The following ESYT2 variants were observed in gnomAD, a reference collection of about 807,000 sequenced individuals.
ESYT2 encodes extended synaptotagmin 2.
In ESYT2, 54 loss-of-function variants were observed where a neutral mutation model predicts 107.2. The observed-to-expected ratio is 0.50, with a 90% CI of 0.40 to 0.63. The LOEUF (loss-of-function observed/expected upper bound fraction) is 0.63. Ranked by LOEUF, ESYT2 falls within the 30% of genes least tolerant of loss-of-function variation. The pLI, the probability that ESYT2 is intolerant of heterozygous loss-of-function variation, is 0.00. For missense variants in ESYT2, 1,020 were observed against 1,094.5 expected, an observed-to-expected ratio of 0.93 and a Z score of 0.96; for synonymous variants, 491 against 434.1, an observed-to-expected ratio of 1.13 and a Z score of -1.63.
At position 158,743,570 on chromosome 7, in the gene ESYT2, A is replaced by C; in HGVS notation, c.1753T>G (p.Ser585Ala). 6.2e-7 allele frequency: 1 copy of C among 1,613,102 alleles called. No homozygotes were observed. Among genetic ancestry groups the C allele is most frequent in the Non-Finnish European group, 8.5e-7 (1 of 1,179,692 alleles). ...TVSQRFQLSN[S>A]GPNSTIKMKI... ...ATCTTGATGGTGCTGTTTGGACCCG[A>C]GTTACTGAGCTGGAAGCGCTGGCTC... Residue 585 changes from serine (S) to alanine (A), a missense_variant, in exon 17 of 23, where the codon TCG becomes GCG. Ser to Ala is a moderately conservative substitution (Grantham distance 99). Coordinates refer to ENST00000275418, the MANE Select transcript of ESYT2 (RefSeq NM_001367773.1).
chr7:158,769,840 T>C (rs1838292791), intron 7 of ESYT2, among the ~76,000 whole-genome samples: 1 of 152,228 alleles, frequency 6.6e-6, no homozygotes, highest in Non-Finnish European at 1.5e-5. Context: ...AATCAATTAA[T>C]ATAACATGTG....
In ESYT2 at chr7:158,829,062, T is replaced by C; in HGVS notation, c.330+27A>G. ...GGAGATCGGGACTGGTGGTCAGGGG[T>C]CGGGACGGGCAGGGGTCTGCACTCA... is the stretch of plus-strand genomic sequence containing the variant. On this transcript the variant is annotated intron_variant, in intron 1 of 22. Coordinates refer to ENST00000275418, the MANE Select transcript of ESYT2 (RefSeq NM_001367773.1). 4 of 1,556,198 alleles carry C rather than the reference T, an allele frequency of 2.6e-6. No individual in the cohort carries two copies. In the South Asian group the frequency reaches 3.4e-5, roughly 13 times the overall value.
chr7:158,756,914 TAAAA>T (rs201326042), intron 13 of ESYT2, among the ~76,000 whole-genome samples: 13 of 98,802 alleles, frequency 1.3e-4, no homozygotes, highest in Admixed American at 5.1e-4. Context: ...CATCTCAAAT[TAAAA>T]AAAAAAAAAA....
intron 15 of ESYT2, among the ~76,000 whole-genome samples, chr7:158,748,767 T>C (rs1267188718): frequency 3.3e-5 from 5 of 151,848 alleles, no homozygotes; most frequent in African/African-American, 7.3e-5. Flanking sequence ...GTCGCCAGGC[T>C]GGAGTGCAGT....
At chr7:158,739,177 T>C (rs1464290677) in intron 18 of ESYT2, 56 bp from the exon 19 acceptor site, 2 of 1,455,130 alleles carry the variant, frequency 1.4e-6, no homozygotes, top group Non-Finnish European at 1.9e-6. Context: ...AACGTTGTGA[T>C]TCATTGGTCC....
At chr7:158,813,629 G>A (rs530987065) in intron 1 of ESYT2, among the ~76,000 whole-genome samples, 1 of 152,306 alleles carries the variant, frequency 6.6e-6, no homozygotes, top group South Asian at 2.1e-4. Flanking sequence ...TAGTAGACTT[G>A]CACTAAAAGA....
intron 1 of ESYT2, chr7:158,827,637 A>C (rs1306769214): frequency 2.6e-5 from 4 of 152,218 alleles, no homozygotes; most frequent in Non-Finnish European, 4.4e-5. Context: ...CTCCAGTTGC[A>C]ATATGACGTC....
At chr7:158,807,330 T>C (rs112866477) in intron 1 of ESYT2, among the ~76,000 whole-genome samples, 1 of 150,126 alleles carries the variant, frequency 6.7e-6, no homozygotes, top group South Asian at 2.1e-4. Context: ...AGAATTAACA[T>C]CGGACTTAAA....
At chr7:158,790,957 C>T (rs1214211005) in intron 4 of ESYT2, among the ~76,000 whole-genome samples, 2 of 152,020 alleles carry the variant, frequency 1.3e-5, no homozygotes, top group Admixed American at 6.5e-5. Context: ...ATTAACACCC[C>T]AAAAATCTAC....
chr7:158,771,746 A>G (rs973672064), intron 7 of ESYT2, among the ~76,000 whole-genome samples: 3 of 152,238 alleles, frequency 2.0e-5, no homozygotes, highest in African/African-American at 7.2e-5. Context: ...GCTGTGTCCC[A>G]TGCACGAGCG....
intron 6 of ESYT2, among the ~76,000 whole-genome samples, chr7:158,775,532 A>C (rs1025259985): frequency 3.3e-5 from 5 of 152,252 alleles, no homozygotes; most frequent in Non-Finnish European, 7.3e-5. Context: ...CTTCACTAGG[A>C]GTAGATTCCA....
At chr7:158,740,807 C>T (rs939898838) in intron 18 of ESYT2, among the ~76,000 whole-genome samples, 3 of 152,178 alleles carry the variant, frequency 2.0e-5, no homozygotes, top group African/African-American at 7.2e-5. Flanking sequence ...GCAAGCTCCA[C>T]AGTCTGCGTG....
At chr7:158,748,305 G>C in intron 15 of ESYT2, 25 bp from the exon 16 acceptor site, 1 of 1,567,930 alleles carries the variant, frequency 6.4e-7, no homozygotes, top group Non-Finnish European at 8.8e-7. Flanking sequence ...CAAATTATTA[G>C]CTCTGATATT....
intron 1 of ESYT2, among the ~76,000 whole-genome samples, chr7:158,810,169 C>T (rs73732404): frequency 0.11 from 16,396 of 152,154 alleles, 1,334 homozygotes; most frequent in East Asian, 0.43. Context: ...CCACTCTACC[C>T]ACACGTATAT....
intron 1 of ESYT2, among the ~76,000 whole-genome samples, chr7:158,819,324 A>G (rs762363391): frequency 1.3e-5 from 2 of 152,184 alleles, no homozygotes; most frequent in African/African-American, 2.4e-5. Flanking sequence ...TAAATAGCTC[A>G]AGTAAATACG....
At chr7:158,802,992 C>T (rs1042994499) in intron 1 of ESYT2, among the ~76,000 whole-genome samples, 5 of 152,156 alleles carry the variant, frequency 3.3e-5, no homozygotes, top group East Asian at 1.9e-4. Context: ...AAGAAAAAAA[C>T]AAAACACACA....
intron 16 of ESYT2, among the ~76,000 whole-genome samples, chr7:158,744,916 G>A (rs1837346425): frequency 1.3e-5 from 2 of 152,078 alleles, no homozygotes; most frequent in Admixed American, 6.6e-5. Context: ...AATGTTTGTG[G>A]AACTTTAAAA....
chr7:158,749,806 T>A lies in ESYT2; in HGVS notation c.1483-83A>T, dbSNP rs117928449. Reference sequence around the variant, plus strand: ...AACTAAAAATGAAATTACTGGCTTATATTAGTAGTCATTTTTATTTATCTC... The same window carrying A: ...AACTAAAAATGAAATTACTGGCTTAAATTAGTAGTCATTTTTATTTATCTC... On this transcript the variant is annotated intron_variant, in intron 14 of 22. Coordinates refer to ENST00000275418, the MANE Select transcript of ESYT2 (RefSeq NM_001367773.1). The A allele has an allele frequency of 3.2e-4, 397 of 1,227,446 alleles. 3 individuals carry two copies. The East Asian group carries it at 9.1e-3, about 28-fold the overall frequency. The allele number at this position is 1,227,446 out of a possible 1,614,324, so 76.0% of individuals were successfully genotyped here.
intron 1 of ESYT2, among the ~76,000 whole-genome samples, chr7:158,824,260 C>G (rs566258616): frequency 6.6e-6 from 1 of 152,298 alleles, no homozygotes; most frequent in East Asian, 1.9e-4. Context: ...GATGAGGACT[C>G]CAACACTTCC....
Sources: gnomAD v4.1 joint callset for allele counts (sites outside exome capture counted in the v4.1 genomes callset) on GRCh38, gnomAD v4.1.1 for gene constraint, MANE v1.5 for transcripts, NCBI Gene and HGNC (gene_info 2026-07-23, HGNC 2026-07-21) for gene names.